TMLHE: variants seen among roughly 807,000 people sequenced by gnomAD.
TMLHE encodes trimethyllysine hydroxylase, epsilon.
Under a neutral mutation model 25.7 loss-of-function variants are expected in TMLHE, and 18 were observed. That is an observed-to-expected ratio of 0.70 (90% CI 0.48 to 1.04). The LOEUF (loss-of-function observed/expected upper bound fraction) is 1.04. Among genes scored for constraint, TMLHE ranks in the 50% least tolerant of loss-of-function variants. The probability of loss-of-function intolerance (pLI) is 0.00; values close to 1 mark genes in which losing one functional copy is unlikely to be tolerated. For synonymous variants in TMLHE, 105 were observed against 97.0 expected, an observed-to-expected ratio of 1.08 and a Z score of -0.49; for missense variants, 236 against 259.0, an observed-to-expected ratio of 0.91 and a Z score of 0.61.
At chrX:155,542,344 G>A (rs1464031159) in intron 2 of TMLHE, among the ~76,000 whole-genome samples, 1 of 111,436 alleles carries the variant, frequency 9.0e-6, no homozygotes, top group African/African-American at 3.3e-5. Flanking sequence ...ACAAAATGTT[G>A]CTAAGATAAA....
chrX:155,521,884 G>A (rs913337376), intron 3 of TMLHE, among the ~76,000 whole-genome samples: 2 of 87,316 alleles, frequency 2.3e-5, no homozygotes, highest in African/African-American at 8.5e-5. Flanking sequence ...TTCGGCTCGC[G>A]CACGGTGCGC....
At chrX:155,555,687 C>CT (rs2067448001) in intron 1 of TMLHE, among the ~76,000 whole-genome samples, 1 of 110,769 alleles carries the variant, frequency 9.0e-6, no homozygotes, top group Admixed American at 9.6e-5. Context: ...TGAGAAGTGT[C>CT]TGTTATATCC....
At chrX:155,530,857 C>T (rs912633820) in intron 2 of TMLHE, among the ~76,000 whole-genome samples, 1 of 112,411 alleles carries the variant, frequency 8.9e-6, no homozygotes, top group East Asian at 2.8e-4. Context: ...CCAAGAAAAC[C>T]GGCAGCTTTG....
chrX:155,604,693 G>A (rs1016255399), intron 1 of TMLHE, among the ~76,000 whole-genome samples: 10 of 111,311 alleles, frequency 9.0e-5, no homozygotes, highest in East Asian at 5.7e-4. Context: ...GAGCATGGCC[G>A]CAAACACAAG....
In TMLHE at chrX:155,524,637, G is replaced by A; in HGVS notation, c.182-5C>T. On this transcript the variant is annotated splice_region_variant and splice_polypyrimidine_tract_variant and intron_variant, in intron 2 of 7. Coordinates refer to ENST00000334398, the MANE Select transcript of TMLHE (RefSeq NM_018196.4). ...CGGTATTAGCATATTTCAGCTCTAG[G>A]GAAAAGATCACATTTATCAGAACTA... The A allele has an allele frequency of 8.7e-7, 1 of 1,151,681 alleles. No homozygotes were observed. The highest frequency in any genetic ancestry group is 1.2e-6 in the Non-Finnish European group (1 of 863,300). 94.9% of individuals were successfully genotyped at this position (1,151,681 alleles called of 1,213,427 possible).
chrX:155,583,356 A>T (rs956025516), intron 1 of TMLHE, among the ~76,000 whole-genome samples: 2 of 111,547 alleles, frequency 1.8e-5, no homozygotes, highest in Non-Finnish European at 3.8e-5. Context: ...CATCAAAAAA[A>T]TAAAATAAAT....
At chrX:155,507,765 A>G (rs185683009) in intron 5 of TMLHE, among the ~76,000 whole-genome samples, 11 of 111,006 alleles carry the variant, frequency 9.9e-5, no homozygotes, top group Non-Finnish European at 1.9e-5. Flanking sequence ...AAACTGTGAA[A>G]CTCTACGGCC....
At chrX:155,540,194 C>CAA (rs1257271601) in intron 2 of TMLHE, among the ~76,000 whole-genome samples, 8 of 110,068 alleles carry the variant, frequency 7.3e-5, no homozygotes, top group Admixed American at 6.8e-4. Flanking sequence ...TTTGAATAAA[C>CAA]AAACAACTCC....
chrX:155,515,412 A>T (rs1419959919), intron 3 of TMLHE, among the ~76,000 whole-genome samples: 3 of 110,546 alleles, frequency 2.7e-5, no homozygotes, highest in Non-Finnish European at 3.8e-5. Flanking sequence ...TTTTTAAAAA[A>T]TTTCCTATTA....
At position 155,553,568 on chromosome X, in the gene TMLHE, A is replaced by G. The variant is rs1346897705; in HGVS notation, c.-1-8291T>C. 2.7e-5 allele frequency among the ~76,000 whole-genome samples: 3 copies of G among 109,985 alleles called. No homozygotes were observed. In the East Asian group the frequency reaches 8.5e-4, roughly 31 times the overall value. On this transcript the variant is annotated intron_variant, in intron 1 of 7. Transcript: ENST00000334398. ...CTTCCTATATCTTTCCATTTTATAT[A>G]TCTCTTATAAACAAGATGTAGATTT...
In TMLHE at chrX:155,569,130, A is replaced by G. The variant is rs1231988948; in HGVS notation, c.-1-23853T>C. Among the ~76,000 whole-genome samples, 6 of 57,627 alleles carry G rather than the reference A, an allele frequency of 1.0e-4. 2 individuals carry two copies. The highest frequency in any genetic ancestry group is 2.7e-4 in the Non-Finnish European group (6 of 22,088). The allele number at this position is 57,627 out of a possible 115,157, so 50.0% of individuals were successfully genotyped here. A position where few individuals can be genotyped will look rare whatever the true frequency, so the allele number is the denominator to read the frequency against. ...TATAACTAGAATAACCAATACAGAG[A>G]AGTGCTTAAAGGAGCTGATGGAGCT... On this transcript the variant is annotated intron_variant, in intron 1 of 7. Coordinates refer to ENST00000334398, the MANE Select transcript of TMLHE (RefSeq NM_018196.4).
At chrX:155,567,178 ACT>A in intron 1 of TMLHE, among the ~76,000 whole-genome samples, 1 of 62,274 alleles carries the variant, frequency 1.6e-5, no homozygotes, top group Admixed American at 1.9e-4. Flanking sequence ...GCAGTTGGAA[ACT>A]CTAGTCAGAG....
At chrX:155,526,414 C>T (rs782802989) in intron 2 of TMLHE, among the ~76,000 whole-genome samples, 5 of 112,924 alleles carry the variant, frequency 4.4e-5, no homozygotes, top group Non-Finnish European at 5.6e-5. Context: ...TGGGAACCTC[C>T]GCCTAGATTT....
chrX:155,554,313 CT>C (rs2067434180), intron 1 of TMLHE, among the ~76,000 whole-genome samples: 1 of 110,632 alleles, frequency 9.0e-6, no homozygotes, highest in African/African-American at 3.3e-5. Flanking sequence ...TTAATATTTC[CT>C]TTGGTTTTTG....
rs7055784 is a variant in TMLHE at position 155,510,725 on chromosome X, T to C, written c.758+948A>G. Among the ~76,000 whole-genome samples the C allele has an allele frequency of 7.0e-3, 765 of 109,154 alleles. 7 individuals are homozygous for C. Among genetic ancestry groups the C allele is most frequent in the African/African-American group, 0.024 (722 of 30,125 alleles). The allele number at this position is 109,154 out of a possible 115,157, so 94.8% of individuals were successfully genotyped here. A position where few individuals can be genotyped will look rare whatever the true frequency, so the allele number is the denominator to read the frequency against. ...CAGTAAACATACGTGTGCATGTGTC[T>C]TTATAGCAGCATGATTTATAATCCT... On this transcript the variant is annotated intron_variant, in intron 5 of 7. Coordinates refer to ENST00000334398, the MANE Select transcript of TMLHE (RefSeq NM_018196.4).
In TMLHE at chrX:155,513,334, C is replaced by G. The variant is rs890236272; in HGVS notation, c.638+652G>C. ...TTAGGAAACCTGGGCTATTTGAATT[C>G]AAGTTCTATTGTTTACTAGTAGAGC... On this transcript the variant is annotated intron_variant, in intron 4 of 7. Transcript: ENST00000334398. 2.7e-5 allele frequency among the ~76,000 whole-genome samples: 3 copies of G among 111,523 alleles called. No homozygotes were observed. The East Asian group carries it at 8.5e-4, about 31-fold the overall frequency.
intron 1 of TMLHE, among the ~76,000 whole-genome samples, chrX:155,560,255 A>G (rs7881452): frequency 0.017 from 1,939 of 110,829 alleles, 55 homozygotes; most frequent in African/African-American, 0.06. Context: ...CAGATTAAAT[A>G]TCAATTCATT....
chrX:155,602,440 C>A (rs781843154), intron 1 of TMLHE, among the ~76,000 whole-genome samples: 17 of 111,258 alleles, frequency 1.5e-4, no homozygotes, highest in Non-Finnish European at 3.0e-4. Context: ...AAATGCACAG[C>A]TAACATCACA....
chrX:155,508,593 CAAAA>C (rs1280975703), intron 5 of TMLHE, among the ~76,000 whole-genome samples: 1 of 110,161 alleles, frequency 9.1e-6, no homozygotes, highest in Non-Finnish European at 1.9e-5. Flanking sequence ...AGGAAATAGA[CAAAA>C]GAAGCCAGCA....
Sources: gnomAD v4.1 joint callset for allele counts (sites outside exome capture counted in the v4.1 genomes callset) on GRCh38, gnomAD v4.1.1 for gene constraint, MANE v1.5 for transcripts, NCBI Gene and HGNC (gene_info 2026-07-23, HGNC 2026-07-21) for gene names.